Variants in H1-3 observed in about 807,000 individuals in gnomAD.
H1-3 encodes the protein H1.3 linker histone, cluster member, also known as histone H1.3.
A neutral mutation model predicts 3.6 loss-of-function variants in H1-3; 4 were observed. The ratio of observed to expected loss-of-function variants is 1.12; its 90% CI spans 0.55 to 2.57. The LOEUF is 2.57. Among genes scored for constraint, H1-3 ranks in the 30% most tolerant of loss-of-function variants. The pLI is 0.02. For missense variants in H1-3, 670 were observed against 274.3 expected (o/e 2.44, Z -10.19); for synonymous variants, 266 against 110.0 (o/e 2.42, Z -8.87).
Position 26,234,668 on chromosome 6 carries a change from A to C in H1-3, c.266T>G (p.Val89Gly). The C allele has an allele frequency of 6.2e-7, 1 of 1,614,152 alleles. No individual in the cohort carries two copies. Among genetic ancestry groups the C allele is most frequent in the Non-Finnish European group, 8.5e-7 (1 of 1,180,014 alleles). ...SRIKLGLKSL[V>G]SKGTLVQTKG... ...GGTCTGCACCAGAGTACCTTTGCTCACCAAGCTCTTGAGGCCAAGCTTGAT... is the reference window on the plus strand; with the variant it reads ...GGTCTGCACCAGAGTACCTTTGCTCCCCAAGCTCTTGAGGCCAAGCTTGAT... The change falls in exon 1 of 1, where the codon GTG becomes GGG. Residue 89 changes from valine (V) to glycine (G), a missense_variant. Val to Gly is a moderately radical substitution (Grantham distance 109). Coordinates refer to ENST00000244534, the MANE Select transcript of H1-3 (RefSeq NM_005320.3).
rs200830065 is a variant in H1-3, at chr6:26,234,725, G to T, written c.209C>A (p.Ala70Asp). ...GTTGTTTTTTTCTACATCGTAGCCA[G>T]CAGCCGCAAGCGCTTTCTTAAGCGC... ...LAALKKALAAAGYDVEKNNSR... is the reference protein window; with the variant it reads ...LAALKKALAADGYDVEKNNSR... The change falls in exon 1 of 1, where the codon GCT (alanine) becomes GAT (aspartate). Residue 70 changes from alanine to aspartate, a missense_variant. Physicochemically the swap from Ala to Asp is moderately radical, Grantham distance 126 (BLOSUM62 -2). Transcript: ENST00000244534. The T allele has an allele frequency of 1.9e-6, 3 of 1,613,526 alleles. No homozygotes were observed. Among genetic ancestry groups the T allele is most frequent in the South Asian group, 2.2e-5 (2 of 91,020 alleles).
In H1-3 at chr6:26,234,496, A is replaced by C; in HGVS notation, c.438T>G (p.Ala146=). 3.1e-6 allele frequency: 5 copies of C among 1,613,970 alleles called. No homozygotes were observed. Among genetic ancestry groups the C allele is most frequent in the Non-Finnish European group, 4.2e-6 (5 of 1,180,022 alleles). The change falls in exon 1 of 1, where the codon GCT becomes GCG. Residue 146 remains alanine (A), a synonymous_variant. Coordinates refer to ENST00000244534, the MANE Select transcript of H1-3 (RefSeq NM_005320.3). ...AKKPKKVAGA[A]TPKKSIKKTP... Reference sequence around the variant, plus strand: ...TCTTTTTGATGCTTTTCTTCGGGGTAGCGGCGCCAGCCACCTTCTTGGGCT... The same window carrying C: ...TCTTTTTGATGCTTTTCTTCGGGGTCGCGGCGCCAGCCACCTTCTTGGGCT...
rs140433263 is a variant in H1-3, at chr6:26,234,599, G to A, written c.335C>T (p.Ala112Val). 2.6e-5 allele frequency: 42 copies of A among 1,613,822 alleles called. No individual in the cohort carries two copies. Among genetic ancestry groups the A allele is most frequent in the African/African-American group, 1.3e-5 (1 of 74,918 alleles). Residue 112 changes from alanine (A) to valine (V), a missense_variant, in exon 1 of 1, where the codon GCG (alanine) becomes GTG (valine). Physicochemically the swap from Ala to Val is moderately conservative, Grantham distance 64. Transcript: ENST00000244534. The part of the protein sequence containing the change: ...ASGSFKLNKK[A>V]ASGEGKPKAK... ...CTTGGGTTTGCCTTCCCCGGAAGCC[G>A]CTTTCTTGTTGAGTTTGAAGGAGCC...
rs1759760176 is a variant in H1-3, at chr6:26,234,884, T to C, written c.50A>G (p.Lys17Arg). 1 of 1,613,074 alleles carries C rather than the reference T, an allele frequency of 6.2e-7. No homozygotes were observed. The highest frequency in any genetic ancestry group is 8.5e-7 in the Non-Finnish European group (1 of 1,179,752). The change falls in exon 1 of 1, where the codon AAA becomes AGA. Residue 17 changes from lysine (K) to arginine (R), a missense_variant. Coordinates refer to ENST00000244534, the MANE Select transcript of H1-3 (RefSeq NM_005320.3). The stretch of plus-strand genomic sequence containing the variant: ...CTTCGCCTTTTTCTTCACAGGTGTT[T>C]TTTCTGCGGGTGCAGGAATGGTAGG... ...LAPTIPAPAE[K>R]TPVKKKAKKA... is the part of the protein sequence containing the mutation.
In H1-3 at chr6:26,234,459, C is replaced by T. The variant is rs1253482218; in HGVS notation, c.475G>A (p.Val159Ile). ...CCAGCAGCGGTTGCTGGCTTCTTTA[C>T]CTTCTTAGGAGTCTTTTTGATGCTT... ...KKSIKKTPKK[V>I]KKPATAAGTK... Residue 159 changes from valine to isoleucine, a missense_variant, in exon 1 of 1, where the codon GTA becomes ATA. Physicochemically the swap from Val to Ile is conservative, Grantham distance 29. Transcript: ENST00000244534. 3.1e-6 allele frequency: 5 copies of T among 1,614,036 alleles called. No homozygotes were observed. The highest frequency in any genetic ancestry group is 4.2e-6 in the Non-Finnish European group (5 of 1,179,962).
In H1-3 at chr6:26,234,491, G is replaced by A. The variant is rs763838912; in HGVS notation, c.443C>T (p.Pro148Leu). The stretch of plus-strand genomic sequence containing the variant: ...AGGAGTCTTTTTGATGCTTTTCTTC[G>A]GGGTAGCGGCGCCAGCCACCTTCTT... ...KPKKVAGAATPKKSIKKTPKK... is the reference protein window; with the variant it reads ...KPKKVAGAATLKKSIKKTPKK... Residue 148 changes from proline (P) to leucine (L), a missense_variant, in exon 1 of 1, where the codon CCG becomes CTG. Transcript: ENST00000244534. 4.3e-6 allele frequency: 7 copies of A among 1,613,968 alleles called. No homozygotes were observed. The South Asian group carries it at 5.5e-5, about 13-fold the overall frequency.
chr6:26,234,859 CTTCGCCTTT>C lies in H1-3; in HGVS notation c.66_74del (p.Lys25_Ala27del), dbSNP rs775417205. On this transcript the variant is annotated inframe_deletion, in exon 1 of 1. Transcript: ENST00000244534. ...GTTTCCCAGCAGTTGCGCCTGCCTT[CTTCGCCTTT>C]TTCTTCACAGGTGTTTTTTCTGCGG... 2.0e-5 allele frequency: 33 copies of C among 1,613,974 alleles called. No individual in the cohort carries two copies. The highest frequency in any genetic ancestry group is 2.8e-5 in the Non-Finnish European group (33 of 1,180,024).
rs1581470983 is a variant in H1-3, at chr6:26,234,715, A to T, written c.219T>A (p.Asp73Glu). ...TGATACGGCTGTTGTTTTTTTCTACATCGTAGCCAGCAGCCGCAAGCGCTT... is the reference window on the plus strand; with the variant it reads ...TGATACGGCTGTTGTTTTTTTCTACTTCGTAGCCAGCAGCCGCAAGCGCTT... ...LKKALAAAGY[D>E]VEKNNSRIKL... The change falls in exon 1 of 1, where the codon GAT becomes GAA. Residue 73 changes from aspartate to glutamate, a missense_variant. Asp to Glu is a conservative substitution (Grantham distance 45, BLOSUM62 2). Coordinates refer to ENST00000244534, the MANE Select transcript of H1-3 (RefSeq NM_005320.3). 6.2e-7 allele frequency: 1 copy of T among 1,613,600 alleles called. No homozygotes were observed. Among genetic ancestry groups the T allele is most frequent in the Non-Finnish European group, 8.5e-7 (1 of 1,179,888 alleles).
At position 26,234,743 on chromosome 6, in the gene H1-3, T is replaced by C; in HGVS notation, c.191A>G (p.Lys64Arg). The C allele has an allele frequency of 1.9e-6, 3 of 1,614,082 alleles. No homozygotes were observed. Among genetic ancestry groups the C allele is most frequent in the Non-Finnish European group, 2.5e-6 (3 of 1,180,014 alleles). ...ERSGVSLAALKKALAAAGYDV... is the reference protein window; with the variant it reads ...ERSGVSLAALRKALAAAGYDV... ...GTAGCCAGCAGCCGCAAGCGCTTTC[T>C]TAAGCGCGGCCAGAGAAACGCCGCT... Residue 64 changes from lysine to arginine, a missense_variant, in exon 1 of 1, where the codon AAG becomes AGG. Coordinates refer to ENST00000244534, the MANE Select transcript of H1-3 (RefSeq NM_005320.3).
chr6:26,234,339 TG>T lies in H1-3; in HGVS notation c.594del (p.Lys199ArgfsTer?). 6.2e-7 allele frequency: 1 copy of T among 1,614,104 alleles called. No individual in the cohort carries two copies. Among genetic ancestry groups the T allele is most frequent in the Non-Finnish European group, 8.5e-7 (1 of 1,180,010 alleles). On this transcript the variant is annotated frameshift_variant, in exon 1 of 1. Coordinates refer to ENST00000244534, the MANE Select transcript of H1-3 (RefSeq NM_005320.3). LOFTEE classifies it high-confidence loss of function. ...KSPAKAKAPKPKAAKPKSGKP... is the reference protein window; with the variant it reads ...KSPAKAKAPKXKAAKPKSGKP... ...TTCCCCGACTTAGGCTTGGCCGCCTTGGGCTTAGGGGCTTTGGCCTTAGCTG... is the reference window on the plus strand; with the variant it reads ...TTCCCCGACTTAGGCTTGGCCGCCTTGGCTTAGGGGCTTTGGCCTTAGCTG...
chr6:26,234,669 C>G lies in H1-3; in HGVS notation c.265G>C (p.Val89Leu), dbSNP rs769329952. 3 of 1,614,054 alleles carry G rather than the reference C, an allele frequency of 1.9e-6. No homozygotes were observed. The highest frequency in any genetic ancestry group is 1.3e-5 in the African/African-American group (1 of 74,940). ...GTCTGCACCAGAGTACCTTTGCTCA[C>G]CAAGCTCTTGAGGCCAAGCTTGATA... is the stretch of plus-strand genomic sequence containing the variant. ...SRIKLGLKSLVSKGTLVQTKG... is the reference protein window; with the variant it reads ...SRIKLGLKSLLSKGTLVQTKG... The change falls in exon 1 of 1, where the codon GTG (valine) becomes CTG (leucine). Residue 89 changes from valine to leucine, a missense_variant. Val to Leu is a conservative substitution (Grantham distance 32, BLOSUM62 1). Coordinates refer to ENST00000244534, the MANE Select transcript of H1-3 (RefSeq NM_005320.3).
At position 26,234,689 on chromosome 6, in the gene H1-3, T is replaced by A. The variant is rs201686429; in HGVS notation, c.245A>T (p.Lys82Met). The A allele has an allele frequency of 6.2e-7, 1 of 1,614,044 alleles. No homozygotes were observed. The highest frequency in any genetic ancestry group is 1.7e-5 in the Admixed American group (1 of 59,976). ...YDVEKNNSRI[K>M]LGLKSLVSKG... The stretch of plus-strand genomic sequence containing the variant: ...GCTCACCAAGCTCTTGAGGCCAAGC[T>A]TGATACGGCTGTTGTTTTTTTCTAC... The change falls in exon 1 of 1, where the codon AAG (lysine) becomes ATG (methionine). Residue 82 changes from lysine (K) to methionine (M), a missense_variant. By Grantham distance (95) the Lys-to-Met change is moderately conservative. Coordinates refer to ENST00000244534, the MANE Select transcript of H1-3 (RefSeq NM_005320.3).
Position 26,234,258 on chromosome 6 carries a change from C to G in H1-3, c.*10G>C. 1.3e-6 allele frequency: 2 copies of G among 1,584,850 alleles called. No individual in the cohort carries two copies. The highest frequency in any genetic ancestry group is 2.2e-5 in the East Asian group (1 of 44,746). On this transcript the variant is annotated 3_prime_UTR_variant, in exon 1 of 1. Coordinates refer to ENST00000244534, the MANE Select transcript of H1-3 (RefSeq NM_005320.3). ...GTTTAAAATTTTCAAAGGGGAACGTCCCGCCAGTTTCACTTTTTCTTCGGA... is the reference window on the plus strand; with the variant it reads ...GTTTAAAATTTTCAAAGGGGAACGTGCCGCCAGTTTCACTTTTTCTTCGGA...
At position 26,234,406 on chromosome 6, in the gene H1-3, T is replaced by C. The variant is rs775816538; in HGVS notation, c.528A>G (p.Lys176=). 15 of 1,614,112 alleles carry C rather than the reference T, an allele frequency of 9.3e-6. 1 individual carries two copies. The highest frequency in any genetic ancestry group is 8.0e-5 in the African/African-American group (6 of 74,940). Residue 176 remains lysine (K), a synonymous_variant, in exon 1 of 1, where the codon AAA becomes AAG. Coordinates refer to ENST00000244534, the MANE Select transcript of H1-3 (RefSeq NM_005320.3). ...TTTTTGGCTGAGGTGTTTTCACCTT[T>C]TTCGCACTCTTGGCCACTTTCTTGG... ...AGTKKVAKSA[K]KVKTPQPKKA...
At position 26,234,979 on chromosome 6, in the gene H1-3, G is replaced by C. The variant is rs753137972; in HGVS notation, c.-46C>G. 6.6e-7 allele frequency: 1 copy of C among 1,522,924 alleles called. No homozygotes were observed. Among genetic ancestry groups the C allele is most frequent in the Non-Finnish European group, 8.9e-7 (1 of 1,127,646 alleles). 94.3% of individuals were successfully genotyped at this position (1,522,924 alleles called of 1,614,324 possible). A position where few individuals can be genotyped will look rare whatever the true frequency, so the allele number is the denominator to read the frequency against. On this transcript the variant is annotated 5_prime_UTR_variant, in exon 1 of 1. Transcript: ENST00000244534. ...GACAATAAGTAATCTCAAACTGTCA[G>C]AACAGCATGTCCTCTACGAGGGAGG...
At position 26,234,551 on chromosome 6, in the gene H1-3, T is replaced by C; in HGVS notation, c.383A>G (p.Lys128Arg). 1 of 1,612,660 alleles carries C rather than the reference T, an allele frequency of 6.2e-7. No homozygotes were observed. Among genetic ancestry groups the C allele is most frequent in the East Asian group, 2.2e-5 (1 of 44,886 alleles). The change falls in exon 1 of 1, where the codon AAG becomes AGG. Residue 128 changes from lysine (K) to arginine (R), a missense_variant. By Grantham distance (26) the Lys-to-Arg change is conservative. Coordinates refer to ENST00000244534, the MANE Select transcript of H1-3 (RefSeq NM_005320.3). ...KPKAKKAGAA[K>R]PRKPAGAAKK... ...GGCTGCCCCAGCAGGCTTCCTAGGC[T>C]TGGCTGCGCCAGCCTTTTTGGCCTT... is the stretch of plus-strand genomic sequence containing the variant.
rs770409593 is a variant in H1-3 at position 26,234,912 on chromosome 6, C to A, written c.22G>T (p.Ala8Ser). 1.9e-6 allele frequency: 3 copies of A among 1,608,544 alleles called. No homozygotes were observed. The highest frequency in any genetic ancestry group is 2.5e-6 in the Non-Finnish European group (3 of 1,178,208). The change falls in exon 1 of 1, where the codon GCT (alanine) becomes TCT (serine). Residue 8 changes from alanine to serine, a missense_variant. Physicochemically the swap from Ala to Ser is moderately conservative, Grantham distance 99 (BLOSUM62 1). Coordinates refer to ENST00000244534, the MANE Select transcript of H1-3 (RefSeq NM_005320.3). MSETAPL[A>S]PTIPAPAEKT... ...TCTGCGGGTGCAGGAATGGTAGGAG[C>A]AAGTGGAGCAGTCTCCGACATGTTT...
chr6:26,234,715 A>G lies in H1-3; in HGVS notation c.219T>C (p.Asp73=). The G allele has an allele frequency of 6.2e-7, 1 of 1,613,600 alleles. No individual in the cohort carries two copies. The highest frequency in any genetic ancestry group is 1.7e-5 in the Admixed American group (1 of 59,836). The change falls in exon 1 of 1, where the codon GAT becomes GAC. Residue 73 remains aspartate, a synonymous_variant. Coordinates refer to ENST00000244534, the MANE Select transcript of H1-3 (RefSeq NM_005320.3). The stretch of plus-strand genomic sequence containing the variant: ...TGATACGGCTGTTGTTTTTTTCTAC[A>G]TCGTAGCCAGCAGCCGCAAGCGCTT... ...LKKALAAAGY[D]VEKNNSRIKL...
In H1-3 at chr6:26,234,342, G is replaced by A. The variant is rs1431078707; in HGVS notation, c.592C>T (p.Pro198Ser). Residue 198 changes from proline to serine, a missense_variant, in exon 1 of 1, where the codon CCC (proline) becomes TCC (serine). By Grantham distance (74) the Pro-to-Ser change is moderately conservative. Coordinates refer to ENST00000244534, the MANE Select transcript of H1-3 (RefSeq NM_005320.3). ...KSPAKAKAPKPKAAKPKSGKP... is the reference protein window; with the variant it reads ...KSPAKAKAPKSKAAKPKSGKP... ...CCCGACTTAGGCTTGGCCGCCTTGG[G>A]CTTAGGGGCTTTGGCCTTAGCTGGA... 7 of 1,614,112 alleles carry A rather than the reference G, an allele frequency of 4.3e-6. No homozygotes were observed. Among genetic ancestry groups the A allele is most frequent in the South Asian group, 3.3e-5 (3 of 91,086 alleles).
Sources: gnomAD v4.1 joint callset for allele counts on GRCh38, gnomAD v4.1.1 for gene constraint, MANE v1.5 for transcripts, NCBI Gene and HGNC (gene_info 2026-07-23, HGNC 2026-07-21) for gene names.